The following AGBL4 variants were observed in gnomAD, a reference collection of about 807,000 sequenced individuals.
AGBL4 encodes cytosolic carboxypeptidase 6.
A neutral mutation model predicts 66.4 loss-of-function variants in AGBL4; 58 were observed. The observed-to-expected ratio is 0.87, with a 90% CI of 0.71 to 1.09. AGBL4 has a LOEUF of 1.09. Ranked by LOEUF, AGBL4 falls within the 50% of genes least tolerant of loss-of-function variation. AGBL4 has a pLI of 0.00. For synonymous variants in AGBL4, 234 were observed against 222.9 expected, an observed-to-expected ratio of 1.05 and a Z score of -0.44; for missense variants, 579 against 631.0, an observed-to-expected ratio of 0.92 and a Z score of 0.88.
chr1:48,651,903 C>T (rs988451525), intron 8 of AGBL4, among the ~76,000 whole-genome samples: 1 of 152,204 alleles, frequency 6.6e-6, no homozygotes, highest in Non-Finnish European at 1.5e-5. Context: ...CTCTCATATT[C>T]ATCAAACACT....
intron 11 of AGBL4, among the ~76,000 whole-genome samples, chr1:48,555,122 A>T (rs1293145420): frequency 6.6e-6 from 1 of 152,070 alleles, no homozygotes; most frequent in Non-Finnish European, 1.5e-5. Flanking sequence ...GGGATTTAAT[A>T]TTGGAGACAC....
At chr1:49,728,148 TA>T (rs1311346354) in intron 2 of AGBL4, among the ~76,000 whole-genome samples, 3 of 152,152 alleles carry the variant, frequency 2.0e-5, no homozygotes, top group Non-Finnish European at 4.4e-5. Flanking sequence ...TTAGCTTTCA[TA>T]AAATATTCAA....
chr1:49,475,768 C>T (rs933606338), intron 3 of AGBL4, among the ~76,000 whole-genome samples: 23 of 151,906 alleles, frequency 1.5e-4, no homozygotes, highest in African/African-American at 5.3e-4. Context: ...TGGGATTGGT[C>T]GTGATGTTAC....
intron 6 of AGBL4, among the ~76,000 whole-genome samples, chr1:48,710,929 C>CAAAAAAAAAAAAAA (rs1557895437): frequency 6.6e-6 from 1 of 152,168 alleles, no homozygotes; most frequent in African/African-American, 2.4e-5. Flanking sequence ...AGATCCAGCT[C>CAAAAAAAAAAAAAA]AGACATTACC....
At chr1:48,564,436 C>T (rs1402700516) in intron 11 of AGBL4, among the ~76,000 whole-genome samples, 2 of 151,246 alleles carry the variant, frequency 1.3e-5, no homozygotes, top group Admixed American at 6.6e-5. Flanking sequence ...CACTAGATGA[C>T]ATGGGGGCTC....
intron 6 of AGBL4, among the ~76,000 whole-genome samples, chr1:48,838,321 G>A (rs577028089): frequency 6.6e-6 from 1 of 152,254 alleles, no homozygotes; most frequent in African/African-American, 2.4e-5. Flanking sequence ...CAAACAGCAT[G>A]ATACTAGCAT....
At chr1:49,562,625 A>C (rs890024624) in intron 3 of AGBL4, among the ~76,000 whole-genome samples, 13 of 151,940 alleles carry the variant, frequency 8.6e-5, no homozygotes, top group African/African-American at 4.8e-5. Context: ...TTGTAGATAT[A>C]TGGCATTATT....
chr1:49,551,165 A>G (rs1245687505), intron 3 of AGBL4, among the ~76,000 whole-genome samples: 1 of 152,080 alleles, frequency 6.6e-6, no homozygotes, highest in Non-Finnish European at 1.5e-5. Context: ...TTTTTAAGCT[A>G]TATATTTTCT....
In AGBL4 at chr1:49,456,186, C is replaced by A. The variant is rs1170052406; in HGVS notation, c.283-210322G>T. 2.6e-5 allele frequency among the ~76,000 whole-genome samples: 4 copies of A among 151,826 alleles called. No individual in the cohort carries two copies. In the East Asian group the frequency reaches 7.8e-4, roughly 30 times the overall value. On this transcript the variant is annotated intron_variant, in intron 3 of 13. Transcript: ENST00000371839. ...ATTTGGAAGTCAACTCAGTAAGCACCAGATAGTGTTGAGTGAGTGTTGAAA... is the reference window on the plus strand; with the variant it reads ...ATTTGGAAGTCAACTCAGTAAGCACAAGATAGTGTTGAGTGAGTGTTGAAA...
At chr1:48,672,419 T>C (rs1279785688) in intron 6 of AGBL4, among the ~76,000 whole-genome samples, 3 of 152,212 alleles carry the variant, frequency 2.0e-5, no homozygotes, top group Admixed American at 6.5e-5. Flanking sequence ...CAGTAAAGGC[T>C]GGATTCACCA....
intron 1 of AGBL4, among the ~76,000 whole-genome samples, chr1:49,882,573 G>C (rs1168584380): frequency 1.3e-5 from 2 of 152,074 alleles, no homozygotes; most frequent in Non-Finnish European, 2.9e-5. Flanking sequence ...TTGAGCAGTG[G>C]TTTGTAGTTC....
chr1:49,946,173 T>TA (rs1393431398), intron 1 of AGBL4, among the ~76,000 whole-genome samples: 2 of 150,996 alleles, frequency 1.3e-5, no homozygotes, highest in East Asian at 2.0e-4. Context: ...ACAACAACAA[T>TA]AAAAAAAATT....
At chr1:49,554,025 A>C (rs1412500019) in intron 3 of AGBL4, among the ~76,000 whole-genome samples, 1 of 152,130 alleles carries the variant, frequency 6.6e-6, no homozygotes, top group Admixed American at 6.5e-5. Context: ...CCATCTACTC[A>C]GGAAACCTGA....
intron 9 of AGBL4, among the ~76,000 whole-genome samples, chr1:48,618,244 C>T (rs914730312): frequency 2.2e-4 from 33 of 152,280 alleles, no homozygotes; most frequent in African/African-American, 7.5e-4. Context: ...TGTCTCACAA[C>T]GTTGCAATAA....
intron 12 of AGBL4, 49 bp downstream of exon 12, chr1:48,539,593 A>G: frequency 7.1e-7 from 1 of 1,400,236 alleles, no homozygotes; most frequent in South Asian, 1.5e-5. Flanking sequence ...CCCTGAATAC[A>G]GCCCGTGGAG....
Position 48,962,313 on chromosome 1 carries a change from C to A in AGBL4, c.594+83271G>T, listed in dbSNP as rs1233252321. ...TTTCACAGGGTTGTTTAGAAGCTCA[C>A]AAGAAATTACATGCTAGAAATGCTT... is the stretch of plus-strand genomic sequence containing the variant. On this transcript the variant is annotated intron_variant, in intron 5 of 13. Coordinates refer to ENST00000371839, the MANE Select transcript of AGBL4 (RefSeq NM_032785.4). Among the ~76,000 whole-genome samples the A allele has an allele frequency of 2.6e-5, 4 of 152,232 alleles. No homozygotes were observed. In the East Asian group the frequency reaches 5.8e-4, roughly 22 times the overall value.
intron 3 of AGBL4, among the ~76,000 whole-genome samples, chr1:49,465,154 A>C (rs1646599369): frequency 6.7e-6 from 1 of 149,480 alleles, no homozygotes; most frequent in Non-Finnish European, 1.5e-5. Flanking sequence ...CTGTCATTTC[A>C]TGTAGGGAAA....
intron 3 of AGBL4, among the ~76,000 whole-genome samples, chr1:49,456,705 G>A (rs947598084): frequency 6.6e-6 from 1 of 151,558 alleles, no homozygotes; most frequent in Non-Finnish European, 1.5e-5. Flanking sequence ...CCAATGTGGA[G>A]TCTTTTATCC....
intron 3 of AGBL4, chr1:49,268,996 G>A (rs1345094774): frequency 3.9e-5 from 6 of 152,166 alleles, no homozygotes; most frequent in African/African-American, 1.4e-4. Flanking sequence ...TAAAACGATG[G>A]TACAGCAGCT....
Sources: allele counts gnomAD v4.1 joint callset (sites outside exome capture counted in the v4.1 genomes callset), GRCh38; gene constraint gnomAD v4.1.1; transcripts MANE v1.5; gene names NCBI Gene and HGNC (gene_info 2026-07-23, HGNC 2026-07-21).